Variants in TPCN1 observed in about 807,000 individuals in gnomAD.
TPCN1 encodes the protein two pore segment channel 1, also known as two pore channel protein 1.
TPCN1 carries 52 observed loss-of-function variants against 108.8 expected under a neutral mutation model. The ratio of observed to expected loss-of-function variants is 0.48; its 90% CI spans 0.38 to 0.60. The LOEUF (loss-of-function observed/expected upper bound fraction) is 0.60. Among genes scored for constraint, TPCN1 ranks in the 20% least tolerant of loss-of-function variants. TPCN1 has a pLI of 0.00. For synonymous variants in TPCN1, 446 were observed against 433.7 expected (o/e 1.03, Z -0.35); for missense variants, 806 against 1,072.8 (o/e 0.75, Z 3.47).
chr12:113,221,539 C>A lies in TPCN1; in HGVS notation c.-213C>A. On this transcript the variant is annotated 5_prime_UTR_variant, in exon 1 of 28. Coordinates refer to ENST00000335509, the MANE Select transcript of TPCN1 (RefSeq NM_017901.6). ...GCGGCTGCGGCGGCTGCAACAGCTTCGGGCTCGGGGTTTTGGCGGCGGCGC... is the reference window on the plus strand; with the variant it reads ...GCGGCTGCGGCGGCTGCAACAGCTTAGGGCTCGGGGTTTTGGCGGCGGCGC... The A allele has an allele frequency of 3.6e-6, 1 of 280,308 alleles. No individual in the cohort carries two copies. The highest frequency in any genetic ancestry group is 7.2e-6 in the Non-Finnish European group (1 of 139,516). 17.4% of individuals were successfully genotyped at this position (280,308 alleles called of 1,614,324 possible).
At chr12:113,264,383 A>G (rs1955163372) in intron 3 of TPCN1, among the ~76,000 whole-genome samples, 1 of 152,146 alleles carries the variant, frequency 6.6e-6, no homozygotes, top group Non-Finnish European at 1.5e-5. Flanking sequence ...TCCCAGAATA[A>G]GTTTGTGAGA....
At chr12:113,227,068 C>T (rs924859879) in intron 2 of TPCN1, 104 bp downstream of exon 2, 1 of 933,944 alleles carries the variant, frequency 1.1e-6, no homozygotes, top group Non-Finnish European at 1.6e-6. Flanking sequence ...TAACTTGTTG[C>T]CTGGCCCCAC....
chr12:113,250,481 G>A (rs530441826), intron 2 of TPCN1, among the ~76,000 whole-genome samples: 2 of 152,336 alleles, frequency 1.3e-5, no homozygotes, highest in African/African-American at 4.8e-5. Context: ...GTGGTGATGG[G>A]GTACTCACTG....
intron 10 of TPCN1, among the ~76,000 whole-genome samples, chr12:113,275,773 G>A (rs1289333758): frequency 1.3e-5 from 2 of 151,512 alleles, no homozygotes; most frequent in Admixed American, 6.6e-5. Context: ...ATGGGGTTTC[G>A]CGCTTTGTTA....
At chr12:113,290,063 G>A in intron 21 of TPCN1, 65 bp from the exon 22 acceptor site, 1 of 1,060,358 alleles carries the variant, frequency 9.4e-7, no homozygotes, top group Non-Finnish European at 1.4e-6. Context: ...TCAGACTTCT[G>A]TCCTCTCTGG....
At chr12:113,224,734 C>A (rs1020724909) in intron 1 of TPCN1, among the ~76,000 whole-genome samples, 1 of 151,566 alleles carries the variant, frequency 6.6e-6, no homozygotes, top group Non-Finnish European at 1.5e-5. Flanking sequence ...ATTTTTTTGT[C>A]ATTTAATTTA....
In TPCN1 at chr12:113,290,254, A is replaced by G. The variant is rs570518302; in HGVS notation, c.1912+11A>G. The G allele has an allele frequency of 3.0e-5, 47 of 1,555,250 alleles. No individual in the cohort carries two copies. In the South Asian group the frequency reaches 3.8e-4, roughly 13 times the overall value. On this transcript the variant is annotated intron_variant, in intron 22 of 27. Coordinates refer to ENST00000335509, the MANE Select transcript of TPCN1 (RefSeq NM_017901.6). Reference sequence around the variant, plus strand: ...TCCTCAACAGCTTTGGTGAGTGGGAAAAATCACAGGGGGCACATTCCCTGG... The same window carrying G: ...TCCTCAACAGCTTTGGTGAGTGGGAGAAATCACAGGGGGCACATTCCCTGG...
chr12:113,223,403 A>G (rs891042899), intron 1 of TPCN1, among the ~76,000 whole-genome samples: 1 of 147,366 alleles, frequency 6.8e-6, no homozygotes, highest in Admixed American at 6.7e-5. Flanking sequence ...GCTGTTTGCA[A>G]GTTCAAAGGT....
intron 2 of TPCN1, among the ~76,000 whole-genome samples, chr12:113,251,908 A>G (rs765350003): frequency 1.3e-5 from 2 of 152,188 alleles, no homozygotes; most frequent in Non-Finnish European, 2.9e-5. Context: ...GGACAGTGAG[A>G]GTGAGTCCAG....
chr12:113,278,076 C>T, intron 12 of TPCN1, 113 bp from the exon 13 acceptor site: 1 of 829,372 alleles, frequency 1.2e-6, no homozygotes, highest in East Asian at 2.6e-5. Flanking sequence ...CATGGTGTCC[C>T]CTCTCTTCCT....
At position 113,298,366 on chromosome 12, in the gene TPCN1, G is replaced by A. The variant is rs1956495886; in HGVS notation, c.*2290G>A. ...CCCAAGTGGCACCCACTGGCGGCCA[G>A]GGGCACAGCCTGGTGGTGGTGGCAA... On this transcript the variant is annotated 3_prime_UTR_variant, in exon 28 of 28. Transcript: ENST00000335509. The A allele has an allele frequency of 6.6e-6, 1 of 152,304 alleles. No individual in the cohort carries two copies. Among genetic ancestry groups the A allele is most frequent in the Non-Finnish European group, 1.5e-5 (1 of 68,102 alleles). 9.4% of individuals were successfully genotyped at this position (152,304 alleles called of 1,614,324 possible).
intron 3 of TPCN1, among the ~76,000 whole-genome samples, chr12:113,265,042 C>T (rs2136605236): frequency 6.6e-6 from 1 of 152,172 alleles, no homozygotes. Flanking sequence ...GCCAGGCCGG[C>T]CTCGAACTCC....
At chr12:113,224,394 C>CTAT (rs1953391839) in intron 1 of TPCN1, among the ~76,000 whole-genome samples, 1 of 152,138 alleles carries the variant, frequency 6.6e-6, no homozygotes, top group Non-Finnish European at 1.5e-5. Context: ...TGAGTATTAA[C>CTAT]TATTATTATT....
At chr12:113,242,861 C>T (rs985486108) in intron 2 of TPCN1, among the ~76,000 whole-genome samples, 2 of 152,206 alleles carry the variant, frequency 1.3e-5, no homozygotes, top group African/African-American at 2.4e-5. Context: ...CCAGCCCCCA[C>T]GGAGGGCCCT....
At chr12:113,290,868 C>A in intron 22 of TPCN1, 84 bp from the exon 23 acceptor site, 1 of 1,326,440 alleles carries the variant, frequency 7.5e-7, no homozygotes, top group Non-Finnish European at 1.1e-6. Context: ...CACATGGCAC[C>A]CAGGATAGGT....
chr12:113,249,040 G>T (rs1316433852), intron 2 of TPCN1, among the ~76,000 whole-genome samples: 1 of 152,004 alleles, frequency 6.6e-6, no homozygotes, highest in Non-Finnish European at 1.5e-5. Context: ...GGGAGAGGAG[G>T]AGCCTCCTGA....
Position 113,256,112 on chromosome 12 carries a change from T to G in TPCN1, c.113-4256T>G, listed in dbSNP as rs1056896022. On this transcript the variant is annotated intron_variant, in intron 2 of 27. Coordinates refer to ENST00000335509, the MANE Select transcript of TPCN1 (RefSeq NM_017901.6). ...TGCTGGGATTATAGGCACATGCCAC[T>G]GTGCTTGCCTAATTTTTTTACTTAA... Among the ~76,000 whole-genome samples, 3 of 152,134 alleles carry G rather than the reference T, an allele frequency of 2.0e-5. No homozygotes were observed. The South Asian group carries it at 6.2e-4, about 32-fold the overall frequency.
At chr12:113,290,391 C>T (rs1956228016) in intron 22 of TPCN1, 148 bp downstream of exon 22, 1 of 633,902 alleles carries the variant, frequency 1.6e-6, no homozygotes, top group African/African-American at 1.8e-5. Context: ...TTGGTCTGCC[C>T]AGCTTTGGCA....
At chr12:113,233,734 A>C (rs1953782859) in intron 2 of TPCN1, among the ~76,000 whole-genome samples, 1 of 152,152 alleles carries the variant, frequency 6.6e-6, no homozygotes, top group Non-Finnish European at 1.5e-5. Flanking sequence ...TATCCAAAGC[A>C]CTTTTGTGCT....
Sources: gnomAD v4.1 joint callset for allele counts (sites outside exome capture counted in the v4.1 genomes callset) on GRCh38, gnomAD v4.1.1 for gene constraint, MANE v1.5 for transcripts, NCBI Gene and HGNC (gene_info 2026-07-23, HGNC 2026-07-21) for gene names.